Variants in GRIP1 observed in about 807,000 individuals in gnomAD.
GRIP1 encodes the protein glutamate receptor-interacting protein 1.
A neutral mutation model predicts 129.9 loss-of-function variants in GRIP1; 45 were observed. The ratio of observed to expected loss-of-function variants is 0.35; its 90% CI spans 0.27 to 0.44. GRIP1 has a LOEUF of 0.44. GRIP1 is among the 20% of genes least tolerant of loss of function. GRIP1 has a pLI of 1.00. For missense variants in GRIP1, 1,196 were observed against 1,396.8 expected (o/e 0.86, Z 2.29); for synonymous variants, 530 against 520.8 (o/e 1.02, Z -0.24).
At chr12:66,365,956 C>T (rs907227764) in intron 23 of GRIP1, among the ~76,000 whole-genome samples, 30 of 152,294 alleles carry the variant, frequency 2.0e-4, no homozygotes, top group Admixed American at 3.3e-4. Flanking sequence ...AACTGTGGCT[C>T]ATGGAAGTGG....
At chr12:66,587,182 T>G (rs138116342) in intron 2 of GRIP1, among the ~76,000 whole-genome samples, 1 of 152,370 alleles carries the variant, frequency 6.6e-6, no homozygotes, top group African/African-American at 2.4e-5. Flanking sequence ...TCTGTTTATT[T>G]AAAAGCCAAG....
At chr12:66,774,093 T>C (rs1474831396) in intron 1 of GRIP1, among the ~76,000 whole-genome samples, 1 of 151,956 alleles carries the variant, frequency 6.6e-6, no homozygotes, top group Non-Finnish European at 1.5e-5. Flanking sequence ...ATGAATTCAA[T>C]GAGATATTGA....
chr12:66,910,725 C>T (rs754912056), intron 1 of GRIP1, among the ~76,000 whole-genome samples: 6 of 152,202 alleles, frequency 3.9e-5, no homozygotes, highest in South Asian at 2.1e-4. Flanking sequence ...GAAATCAAAA[C>T]GCAAATCAAA....
At position 66,463,056 on chromosome 12, in the gene GRIP1, T is replaced by C. The variant is rs1174086802; in HGVS notation, c.910A>G (p.Ile304Val). 1.2e-6 allele frequency: 2 copies of C among 1,614,070 alleles called. No individual in the cohort carries two copies. Among genetic ancestry groups the C allele is most frequent in the Non-Finnish European group, 1.7e-6 (2 of 1,179,968 alleles). The change falls in exon 9 of 25, where the codon ATC (isoleucine) becomes GTC (valine). Residue 304 changes from isoleucine (I) to valine (V), a missense_variant. Transcript: ENST00000359742. ...CAGTACTCCATGCTGGTTCCATCGA[T>C]GGAGAGGATGTGATCTCCCACATGC... ...ALHVGDHILS[I>V]DGTSMEYCTL...
intron 15 of GRIP1, among the ~76,000 whole-genome samples, chr12:66,418,843 T>A (rs973057938): frequency 6.6e-6 from 1 of 152,154 alleles, no homozygotes; most frequent in Non-Finnish European, 1.5e-5. Flanking sequence ...ACACTGTTGA[T>A]GGGAATGTAA....
At position 66,915,504 on chromosome 12, in the gene GRIP1, TCA is replaced by T. The variant is rs146647897; in HGVS notation, c.58+153544_58+153545del. ...CGAGTGAGACGGAAACAGGGTGGAA[TCA>T]CACAGAGTGTGTTCTCAGCAGGCAT... On this transcript the variant is annotated intron_variant, in intron 1 of 1. Coordinates refer to the GRIP1 transcript ENST00000643019. Among the ~76,000 whole-genome samples the T allele has an allele frequency of 2.8e-4, 42 of 152,190 alleles. 1 individual carries two copies. In the East Asian group the frequency reaches 7.9e-3, roughly 29 times the overall value.
chr12:66,591,447 A>T (rs1306260290), intron 2 of GRIP1, among the ~76,000 whole-genome samples: 1 of 152,026 alleles, frequency 6.6e-6, no homozygotes, highest in Non-Finnish European at 1.5e-5. Flanking sequence ...GGACAGCCCA[A>T]CTGAGAAGCA....
At chr12:66,680,944 C>G (rs2034560823), upstream of GRIP1, among the ~76,000 whole-genome samples, 1 of 151,402 alleles carries the variant, frequency 6.6e-6, no homozygotes, top group South Asian at 2.1e-4. Context: ...CAAATATTTT[C>G]CCCTTTTCCT....
intron 1 of GRIP1, among the ~76,000 whole-genome samples, chr12:66,874,841 C>T (rs1001814098): frequency 2.0e-4 from 30 of 152,090 alleles, no homozygotes; most frequent in South Asian, 1.5e-3. Context: ...AAAAACTGTT[C>T]CATGTTCTGC....
At chr12:66,930,711 T>C (rs2041380186) in intron 1 of GRIP1, among the ~76,000 whole-genome samples, 1 of 152,150 alleles carries the variant, frequency 6.6e-6, no homozygotes, top group Non-Finnish European at 1.5e-5. Context: ...TTAAGCTTGA[T>C]GACTCTTTCC....
intron 1 of GRIP1, among the ~76,000 whole-genome samples, chr12:66,624,954 A>C (rs1197052584): frequency 3.3e-5 from 5 of 152,094 alleles, no homozygotes; most frequent in African/African-American, 1.2e-4. Context: ...TGCAAATGAA[A>C]ATCAAGGCAA....
chr12:67,038,202 A>G (rs2043127075), intron 1 of GRIP1, among the ~76,000 whole-genome samples: 1 of 152,166 alleles, frequency 6.6e-6, no homozygotes, highest in South Asian at 2.1e-4. Context: ...CAGACAATGG[A>G]GAAAGGGAAG....
intron 17 of GRIP1, 51 bp from the exon 18 acceptor site, chr12:66,392,867 C>T (rs958690592): frequency 2.6e-6 from 4 of 1,524,570 alleles, no homozygotes; most frequent in African/African-American, 1.4e-5. Flanking sequence ...CTGTATGGTA[C>T]TGAATATAAA....
chr12:66,492,097 A>T (rs1290678031), intron 7 of GRIP1, among the ~76,000 whole-genome samples: 15 of 152,172 alleles, frequency 9.9e-5, no homozygotes, highest in African/African-American at 1.4e-4. Flanking sequence ...TCAGTCAGGA[A>T]GAGTTAATGG....
chr12:66,453,023 C>T (rs1294611849), intron 11 of GRIP1, among the ~76,000 whole-genome samples: 1 of 152,076 alleles, frequency 6.6e-6, no homozygotes, highest in Non-Finnish European at 1.5e-5. Flanking sequence ...GTGAGTGGTG[C>T]TCTAGTGGCC....
intron 1 of GRIP1, among the ~76,000 whole-genome samples, chr12:66,926,250 C>T (rs930498864): frequency 2.6e-5 from 4 of 151,938 alleles, no homozygotes; most frequent in African/African-American, 2.4e-5. Flanking sequence ...CAGTTTTTTA[C>T]GTGTAATAAT....
At chr12:66,918,487 G>T (rs928646955) in intron 1 of GRIP1, among the ~76,000 whole-genome samples, 7 of 152,048 alleles carry the variant, frequency 4.6e-5, no homozygotes. Context: ...TGTTGGCCAG[G>T]CAGGCTGACA....
chr12:66,713,607 C>T (rs1279255688), intron 1 of GRIP1, among the ~76,000 whole-genome samples: 2 of 152,038 alleles, frequency 1.3e-5, no homozygotes, highest in African/African-American at 2.4e-5. Flanking sequence ...ATATCCTCCA[C>T]TGTCCATCAC....
chr12:66,464,379 T>C (rs1189732720), intron 8 of GRIP1, among the ~76,000 whole-genome samples: 2 of 152,176 alleles, frequency 1.3e-5, no homozygotes, highest in Non-Finnish European at 2.9e-5. Context: ...TATTGTGGCA[T>C]TGAAGCGAAT....
Sources: allele counts gnomAD v4.1 joint callset (sites outside exome capture counted in the v4.1 genomes callset), GRCh38; gene constraint gnomAD v4.1.1; transcripts MANE v1.5; gene names NCBI Gene and HGNC (gene_info 2026-07-23, HGNC 2026-07-21).